The following CDH13 variants were observed in gnomAD, a reference collection of about 807,000 sequenced individuals.
The protein encoded by CDH13 is cadherin-13.
A neutral mutation model predicts 63.8 loss-of-function variants in CDH13; 24 were observed. That is an observed-to-expected ratio of 0.38 (90% CI 0.27 to 0.53). The LOEUF is 0.53. Ranked by LOEUF, CDH13 falls within the 20% of genes least tolerant of loss-of-function variation. The pLI is 0.85. For synonymous variants in CDH13, 503 were observed against 355.3 expected (o/e 1.42, Z -4.67); for missense variants, 1,049 against 903.1 (o/e 1.16, Z -2.07).
At chr16:83,155,235 T>C (rs929779493) in intron 4 of CDH13, among the ~76,000 whole-genome samples, 2 of 152,178 alleles carry the variant, frequency 1.3e-5, no homozygotes, top group Admixed American at 1.3e-4. Context: ...GGGAGAGACA[T>C]CTCAAGTGTA....
intron 2 of CDH13, among the ~76,000 whole-genome samples, chr16:82,893,924 C>T (rs1356308595): frequency 1.3e-5 from 2 of 152,204 alleles, no homozygotes; most frequent in African/African-American, 4.8e-5. Flanking sequence ...AATACCACCA[C>T]TTCAGTAACC....
At chr16:83,659,646 C>T (rs1913257253) in intron 8 of CDH13, among the ~76,000 whole-genome samples, 1 of 152,172 alleles carries the variant, frequency 6.6e-6, no homozygotes, top group Non-Finnish European at 1.5e-5. Flanking sequence ...TTAAGGCTTT[C>T]AGGTGTTTTA....
intron 4 of CDH13, among the ~76,000 whole-genome samples, chr16:83,212,677 T>TGCC: frequency 6.6e-6 from 1 of 152,274 alleles, no homozygotes; most frequent in Non-Finnish European, 1.5e-5. Flanking sequence ...TCAGTGATAC[T>TGCC]CAACAGGGAT....
At chr16:82,892,566 C>G (rs902880931) in intron 2 of CDH13, among the ~76,000 whole-genome samples, 1 of 152,168 alleles carries the variant, frequency 6.6e-6, no homozygotes, top group African/African-American at 2.4e-5. Context: ...AAGGGCAAAA[C>G]AGTTATTTCA....
At chr16:83,666,230 C>G (rs772971928) in intron 8 of CDH13, among the ~76,000 whole-genome samples, 1 of 151,890 alleles carries the variant, frequency 6.6e-6, no homozygotes, top group Non-Finnish European at 1.5e-5. Context: ...AAAATGGTAC[C>G]ATTTCATTTT....
intron 5 of CDH13, among the ~76,000 whole-genome samples, chr16:83,300,026 C>T (rs1011526693): frequency 6.6e-6 from 1 of 152,180 alleles, no homozygotes; most frequent in African/African-American, 2.4e-5. Flanking sequence ...AGTTTCGTCA[C>T]AGGAGTAATA....
At chr16:83,010,565 C>A (rs1597401834) in intron 2 of CDH13, among the ~76,000 whole-genome samples, 1 of 152,270 alleles carries the variant, frequency 6.6e-6, no homozygotes, top group East Asian at 1.9e-4. Context: ...TTCTCCTGCC[C>A]TTTTTCTTTC....
intron 2 of CDH13, among the ~76,000 whole-genome samples, chr16:82,881,160 G>C: frequency 6.6e-6 from 1 of 152,108 alleles, no homozygotes; most frequent in South Asian, 2.1e-4. Flanking sequence ...ATCAATGGCT[G>C]GGCTTATCCT....
intron 1 of CDH13, among the ~76,000 whole-genome samples, chr16:82,765,562 A>G (rs932616877): frequency 1.1e-4 from 17 of 152,204 alleles, no homozygotes; most frequent in Non-Finnish European, 1.5e-5. Context: ...TGGGGAATCT[A>G]CATTGTGCAC....
intron 5 of CDH13, among the ~76,000 whole-genome samples, chr16:83,281,011 G>A (rs769596862): frequency 2.6e-5 from 4 of 152,130 alleles, no homozygotes; most frequent in Non-Finnish European, 5.9e-5. Context: ...TGGCCAATAA[G>A]CATTTGCTTC....
rs531116674 is a variant in CDH13, at chr16:83,796,539, C to A, written c.*1509C>A. 1.3e-5 allele frequency: 2 copies of A among 152,290 alleles called. No homozygotes were observed. The highest frequency in any genetic ancestry group is 1.5e-5 in the Non-Finnish European group (1 of 68,034). 9.4% of individuals were successfully genotyped at this position (152,290 alleles called of 1,614,324 possible). On this transcript the variant is annotated 3_prime_UTR_variant, in exon 14 of 14. Transcript: ENST00000567109. ...GTTTCAATGGTAAATCCTTTTGGAACATATAGAATGCAGAGATTTTTTTTT... is the reference window on the plus strand; with the variant it reads ...GTTTCAATGGTAAATCCTTTTGGAAAATATAGAATGCAGAGATTTTTTTTT...
intron 1 of CDH13, among the ~76,000 whole-genome samples, chr16:82,653,412 G>A (rs953206974): frequency 6.6e-6 from 1 of 152,180 alleles, no homozygotes; most frequent in Non-Finnish European, 1.5e-5. Context: ...CTTTGGAGGA[G>A]AACAGAGAGA....
At chr16:83,301,867 CA>C (rs1206126046) in intron 5 of CDH13, among the ~76,000 whole-genome samples, 14 of 151,136 alleles carry the variant, frequency 9.3e-5, no homozygotes, top group Admixed American at 7.2e-4. Flanking sequence ...AAGAAATAGG[CA>C]GGGAGAGGGG....
chr16:83,162,331 C>T (rs1216311637), intron 4 of CDH13, among the ~76,000 whole-genome samples: 1 of 152,030 alleles, frequency 6.6e-6, no homozygotes, highest in Admixed American at 6.5e-5. Flanking sequence ...ATGATGAAAG[C>T]ATCATCATGC....
chr16:83,188,327 C>A (rs1474014560), intron 4 of CDH13, among the ~76,000 whole-genome samples: 1 of 152,078 alleles, frequency 6.6e-6, no homozygotes, highest in African/African-American at 2.4e-5. Flanking sequence ...AGGGGAGAGG[C>A]GTGGTTATGG....
chr16:83,178,148 G>C (rs1363772881), intron 4 of CDH13, among the ~76,000 whole-genome samples: 3 of 152,080 alleles, frequency 2.0e-5, no homozygotes, highest in Non-Finnish European at 4.4e-5. Flanking sequence ...AGTGAAAAAG[G>C]TTGATCCAGA....
chr16:83,406,071 T>C (rs941343801), intron 6 of CDH13, among the ~76,000 whole-genome samples: 1 of 152,066 alleles, frequency 6.6e-6, no homozygotes, highest in African/African-American at 2.4e-5. Flanking sequence ...TGCCAGCACA[T>C]AGTAGCCCCA....
At chr16:83,188,339 C>T (rs969547446) in intron 4 of CDH13, among the ~76,000 whole-genome samples, 1 of 152,050 alleles carries the variant, frequency 6.6e-6, no homozygotes, top group Admixed American at 6.6e-5. Flanking sequence ...TGGTTATGGC[C>T]GTATTCTGGA....
chr16:82,632,037 G>T (rs1211918619), intron 1 of CDH13, among the ~76,000 whole-genome samples: 1 of 152,142 alleles, frequency 6.6e-6, no homozygotes, highest in African/African-American at 2.4e-5. Context: ...TAATAAAAAA[G>T]AAATCCAGGT....
Sources: allele counts gnomAD v4.1 joint callset (sites outside exome capture counted in the v4.1 genomes callset), GRCh38; gene constraint gnomAD v4.1.1; transcripts MANE v1.5; gene names NCBI Gene and HGNC (gene_info 2026-07-23, HGNC 2026-07-21).